ANKMY1: variants seen among roughly 807,000 people sequenced by gnomAD.
ANKMY1 encodes ankyrin repeat and MYND domain-containing protein 1.
Under a neutral mutation model 102.0 loss-of-function variants are expected in ANKMY1, and 98 were observed. The ratio of observed to expected loss-of-function variants is 0.96; its 90% CI spans 0.82 to 1.14. ANKMY1 has a LOEUF of 1.14. Among genes scored for constraint, ANKMY1 ranks in the 50% most tolerant of loss-of-function variants. The pLI, the probability that ANKMY1 is intolerant of heterozygous loss-of-function variation, is 0.00. For missense variants in ANKMY1, 1,330 were observed against 1,347.6 expected, an observed-to-expected ratio of 0.99 and a Z score of 0.20; for synonymous variants, 582 against 559.9, an observed-to-expected ratio of 1.04 and a Z score of -0.56.
intron 4 of ANKMY1, among the ~76,000 whole-genome samples, chr2:240,549,843 A>G (rs924956760): frequency 3.3e-5 from 5 of 151,902 alleles, no homozygotes; most frequent in East Asian, 1.9e-4. Context: ...TTAGAATGGC[A>G]ATCATTAAAA....
chr2:240,474,060 G>A, the ANKMY1 span, among the ~76,000 whole-genome samples: 2 of 151,660 alleles, frequency 1.3e-5, no homozygotes, highest in African/African-American at 4.9e-5. Flanking sequence ...CATCAGAAAG[G>A]AGGAAGTTAA....
the ANKMY1 span, among the ~76,000 whole-genome samples, chr2:240,469,615 C>G: frequency 6.6e-6 from 1 of 151,110 alleles, no homozygotes; most frequent in Non-Finnish European, 1.5e-5. Flanking sequence ...GGTGTCTGCT[C>G]CACACGAACA....
intron 5 of ANKMY1, 113 bp from the exon 6 acceptor site, chr2:240,526,558 C>T: frequency 6.6e-7 from 1 of 1,517,910 alleles, no homozygotes; most frequent in Non-Finnish European, 8.8e-7. Flanking sequence ...GCTCAGCCCC[C>T]CACTGTTCAC....
At chr2:240,504,994 C>T (rs2078819105) in intron 13 of ANKMY1, among the ~76,000 whole-genome samples, 1 of 151,132 alleles carries the variant, frequency 6.6e-6, no homozygotes, top group South Asian at 2.1e-4. Context: ...TAAACACACA[C>T]ACACACATAC....
At chr2:240,555,893 C>G (rs113509161) in intron 2 of ANKMY1, among the ~76,000 whole-genome samples, 2 of 152,030 alleles carry the variant, frequency 1.3e-5, no homozygotes, top group Admixed American at 6.5e-5. Context: ...CAGTTCCCCC[C>G]CAGACGGACA....
At chr2:240,501,475 G>T (rs1168885405) in intron 13 of ANKMY1, among the ~76,000 whole-genome samples, 3 of 152,138 alleles carry the variant, frequency 2.0e-5, no homozygotes, top group Non-Finnish European at 2.9e-5. Flanking sequence ...GGCCTGGCAG[G>T]CTCAGGGCAG....
At chr2:240,557,473 C>T (rs1306836975) in intron 1 of ANKMY1, 121 bp from the exon 2 acceptor site, 17 of 1,203,598 alleles carry the variant, frequency 1.4e-5, no homozygotes, top group Middle Eastern at 2.4e-4. Context: ...CCCTGAACCG[C>T]GCCGGAGCCT....
chr2:240,529,634 A>C lies in ANKMY1; in HGVS notation c.481-125T>G. ...TCCCAAGAAATGCATGCATTCAGCC[A>C]GTAAACATCTCTGGAGGCTTAGGCT... On this transcript the variant is annotated intron_variant, in intron 4 of 17. Transcript: ENST00000401804. The surrounding 1 kb of genome is among the most constrained non-coding windows in gnomAD (Gnocchi z 4.2). 2.2e-6 allele frequency: 2 copies of C among 927,072 alleles called. No homozygotes were observed. Among genetic ancestry groups the C allele is most frequent in the Non-Finnish European group, 3.2e-6 (2 of 634,810 alleles). The allele number at this position is 927,072 out of a possible 1,614,324, so 57.4% of individuals were successfully genotyped here.
At chr2:240,472,823 T>G in the ANKMY1 span, among the ~76,000 whole-genome samples, 1 of 152,106 alleles carries the variant, frequency 6.6e-6, no homozygotes, top group South Asian at 2.1e-4. Flanking sequence ...TAATAAAGAA[T>G]CAGGCCAACA....
At chr2:240,470,627 A>G in the ANKMY1 span, among the ~76,000 whole-genome samples, 5,327 of 152,308 alleles carry the variant, frequency 0.035, 275 homozygotes, top group East Asian at 0.19. Flanking sequence ...AGAGCCAGTA[A>G]AAAACTCATA....
intron 5 of ANKMY1, chr2:240,527,343 T>C (rs1388018272): frequency 4.6e-4 from 1 of 2,162 alleles, no homozygotes; most frequent in Non-Finnish European, 9.8e-4. Flanking sequence ...GATGGTTGGA[T>C]GAATGGATGG....
At chr2:240,507,728 T>C (rs745523073) in intron 12 of ANKMY1, 37 bp from the exon 13 acceptor site, 4 of 1,558,744 alleles carry the variant, frequency 2.6e-6, no homozygotes, top group South Asian at 1.2e-5. Flanking sequence ...GTGGCCACCA[T>C]GTCACTTCCC....
intron 4 of ANKMY1, among the ~76,000 whole-genome samples, chr2:240,544,229 C>T (rs79386387): frequency 0.034 from 5,222 of 151,974 alleles, 135 homozygotes; most frequent in Middle Eastern, 0.13. Flanking sequence ...AAATCTTGTG[C>T]GGTAAATTTT....
At chr2:240,548,039 A>C (rs2090771174) in intron 4 of ANKMY1, among the ~76,000 whole-genome samples, 2 of 152,228 alleles carry the variant, frequency 1.3e-5, no homozygotes, top group South Asian at 4.1e-4. Context: ...CTGATACCAA[A>C]GCCGGGCAGA....
intron 2 of ANKMY1, among the ~76,000 whole-genome samples, chr2:240,556,702 TAG>T (rs1225556833): frequency 6.6e-6 from 1 of 152,158 alleles, no homozygotes; most frequent in East Asian, 1.9e-4. Flanking sequence ...TTGTCCCCAC[TAG>T]ACTTTGGGCA....
chr2:240,501,772 G>T (rs776987638), intron 13 of ANKMY1, among the ~76,000 whole-genome samples: 1 of 152,220 alleles, frequency 6.6e-6, no homozygotes, highest in Non-Finnish European at 1.5e-5. Flanking sequence ...TGGCCTGAAC[G>T]GCTGACTCCC....
chr2:240,496,423 G>A (rs557871121), intron 15 of ANKMY1, among the ~76,000 whole-genome samples: 56 of 151,692 alleles, frequency 3.7e-4, no homozygotes, highest in Non-Finnish European at 6.3e-4. Context: ...TGTGCTTGAT[G>A]GTGTCCACTT....
At chr2:240,536,536 T>C (rs2086790871) in intron 4 of ANKMY1, among the ~76,000 whole-genome samples, 1 of 152,116 alleles carries the variant, frequency 6.6e-6, no homozygotes, top group Non-Finnish European at 1.5e-5. Flanking sequence ...AAAACTAAAG[T>C]AACAGTGACA....
intron 2 of ANKMY1, 39 bp downstream of exon 2, chr2:240,557,151 G>GGGTCC (rs757865304): frequency 7.1e-7 from 1 of 1,416,194 alleles, no homozygotes; most frequent in South Asian, 1.6e-5. Flanking sequence ...CTGGGCCCCA[G>GGGTCC]GTCAGGGTCG....
Sources: allele counts gnomAD v4.1 joint callset (sites outside exome capture counted in the v4.1 genomes callset), GRCh38; gene constraint gnomAD v4.1.1; non-coding constraint Gnocchi (gnomAD v3.1); transcripts MANE v1.5; gene names NCBI Gene and HGNC (gene_info 2026-07-23, HGNC 2026-07-21).